MTBP: variants seen among roughly 807,000 people sequenced by gnomAD.
MTBP encodes the protein MDM2 binding protein.
Under a neutral mutation model 117.0 loss-of-function variants are expected in MTBP, and 101 were observed. The observed-to-expected ratio is 0.86, with a 90% CI of 0.73 to 1.02. The LOEUF (loss-of-function observed/expected upper bound fraction) is 1.02. MTBP is among the 50% of genes least tolerant of loss of function. The pLI, the probability that MTBP is intolerant of heterozygous loss-of-function variation, is 0.00. For synonymous variants in MTBP, 350 were observed against 351.5 expected (o/e 1.00, Z 0.05); for missense variants, 970 against 1,030.9 (o/e 0.94, Z 0.81).
chr8:120,470,909 T>C lies in MTBP; in HGVS notation c.1137T>C (p.Tyr379=), dbSNP rs1164915144. 13 of 1,607,580 alleles carry C rather than the reference T, an allele frequency of 8.1e-6. No homozygotes were observed. Among genetic ancestry groups the C allele is most frequent in the East Asian group, 2.2e-5 (1 of 44,748 alleles). ...NQLSSRKWKE[Y]IAKKPKTISV... is the part of the protein sequence containing the mutation. ...TCAGTTCAAGAAAATGGAAGGAATA[T>C]ATAGCTAAAAAGCCTAAAACAATCA... Residue 379 remains tyrosine, a synonymous_variant, in exon 11 of 22, where the codon TAT becomes TAC. Coordinates refer to ENST00000305949, the MANE Select transcript of MTBP (RefSeq NM_022045.5).
chr8:120,497,332 A>G (rs561082009), intron 13 of MTBP, 61 bp from the exon 14 acceptor site: 2 of 1,390,556 alleles, frequency 1.4e-6, no homozygotes, highest in African/African-American at 3.0e-5. Context: ...TTTCCACAAA[A>G]GACTAGTAGA....
chr8:120,518,580 G>C, intron 19 of MTBP, 124 bp from the exon 20 acceptor site: 1 of 572,060 alleles, frequency 1.7e-6, no homozygotes. Context: ...TTGTCTTAAT[G>C]AACCTGTCTG....
chr8:120,500,658 A>G (rs1814564471), intron 14 of MTBP, among the ~76,000 whole-genome samples: 1 of 152,264 alleles, frequency 6.6e-6, no homozygotes, highest in Non-Finnish European at 1.5e-5. Context: ...AGTTCAATAT[A>G]GGTATTGAAA....
At chr8:120,480,325 G>A (rs1176759453) in intron 11 of MTBP, among the ~76,000 whole-genome samples, 3 of 151,878 alleles carry the variant, frequency 2.0e-5, no homozygotes, top group Non-Finnish European at 4.4e-5. Flanking sequence ...CAGGAGAATC[G>A]TTTGAACCTG....
At chr8:120,448,399 C>T (rs1287537667) in intron 2 of MTBP, among the ~76,000 whole-genome samples, 1 of 152,170 alleles carries the variant, frequency 6.6e-6, no homozygotes, top group Non-Finnish European at 1.5e-5. Context: ...TCAGTGTTAG[C>T]ACTTTTTGTT....
intron 2 of MTBP, among the ~76,000 whole-genome samples, chr8:120,447,968 TC>T (rs1400897758): frequency 5.3e-5 from 8 of 151,978 alleles, no homozygotes; most frequent in African/African-American, 1.7e-4. Context: ...ACTTTGTTGC[TC>T]AGGCTGGAGT....
intron 13 of MTBP, among the ~76,000 whole-genome samples, chr8:120,495,091 G>A (rs1554640597): frequency 1.3e-5 from 2 of 151,600 alleles, no homozygotes; most frequent in Non-Finnish European, 2.9e-5. Flanking sequence ...CTTTTTCTTG[G>A]ATTATGCCTT....
At chr8:120,513,489 A>G (rs913825285) in intron 17 of MTBP, among the ~76,000 whole-genome samples, 1 of 151,990 alleles carries the variant, frequency 6.6e-6, no homozygotes. Context: ...TCTAATTTAC[A>G]AAGTAAATTT....
intron 17 of MTBP, among the ~76,000 whole-genome samples, chr8:120,514,182 C>G (rs866984183): frequency 7.9e-5 from 12 of 151,854 alleles, no homozygotes; most frequent in Non-Finnish European, 1.3e-4. Context: ...ACTAACATAA[C>G]CATCATCTCA....
intron 8 of MTBP, among the ~76,000 whole-genome samples, chr8:120,460,379 C>T (rs1288479996): frequency 6.6e-6 from 1 of 152,104 alleles, no homozygotes; most frequent in Non-Finnish European, 1.5e-5. Context: ...TAGACACACA[C>T]ACTGTATAAA....
intron 6 of MTBP, 62 bp downstream of exon 6, chr8:120,455,641 T>C: frequency 6.7e-7 from 1 of 1,481,674 alleles, no homozygotes; most frequent in Non-Finnish European, 9.2e-7. Context: ...ATTAACATAC[T>C]ATTCTCTTTT....
At chr8:120,468,831 T>A (rs901995964) in intron 10 of MTBP, among the ~76,000 whole-genome samples, 2 of 152,162 alleles carry the variant, frequency 1.3e-5, no homozygotes, top group Non-Finnish European at 1.5e-5. Flanking sequence ...ACCTTTTTTT[T>A]AGTGCAAGTT....
At chr8:120,456,805 A>G in intron 7 of MTBP, 135 bp downstream of exon 7, 1 of 640,178 alleles carries the variant, frequency 1.6e-6, no homozygotes, top group Non-Finnish European at 2.7e-6. Flanking sequence ...TTCTGCAATA[A>G]TTAAATGTTC....
At chr8:120,489,882 G>A (rs990284251) in intron 12 of MTBP, among the ~76,000 whole-genome samples, 5 of 152,144 alleles carry the variant, frequency 3.3e-5, no homozygotes, top group African/African-American at 1.2e-4. Context: ...ACGCTTTGAA[G>A]GACATCCTGC....
intron 10 of MTBP, among the ~76,000 whole-genome samples, chr8:120,469,177 C>A (rs1427825360): frequency 1.3e-5 from 2 of 152,106 alleles, no homozygotes; most frequent in Non-Finnish European, 2.9e-5. Context: ...TCCCAAGTAT[C>A]TGGGACTACA....
At chr8:120,461,807 G>C (rs960905513) in intron 9 of MTBP, among the ~76,000 whole-genome samples, 4 of 151,982 alleles carry the variant, frequency 2.6e-5, no homozygotes, top group Non-Finnish European at 5.9e-5. Flanking sequence ...CATGACTTCT[G>C]TGTTTTACTC....
intron 12 of MTBP, among the ~76,000 whole-genome samples, chr8:120,488,788 C>T (rs1316320751): frequency 2.0e-5 from 3 of 152,006 alleles, no homozygotes; most frequent in Admixed American, 6.6e-5. Context: ...CTCTCGTGGT[C>T]CTGTGGGTTG....
intron 17 of MTBP, among the ~76,000 whole-genome samples, chr8:120,515,073 C>A (rs1236962111): frequency 6.6e-6 from 1 of 151,966 alleles, no homozygotes; most frequent in East Asian, 1.9e-4. Flanking sequence ...TGAACTAAAT[C>A]TTTTGGATAC....
At position 120,509,987 on chromosome 8, in the gene MTBP, T is replaced by TA. The variant is rs1208570985; in HGVS notation, c.1938dup (p.Pro647ThrfsTer3). 6.2e-7 allele frequency: 1 copy of TA among 1,612,790 alleles called. No homozygotes were observed. The highest frequency in any genetic ancestry group is 1.7e-5 in the Admixed American group (1 of 59,984). On this transcript the variant is annotated frameshift_variant, in exon 17 of 22. Coordinates refer to ENST00000305949, the MANE Select transcript of MTBP (RefSeq NM_022045.5). LOFTEE classifies it high-confidence loss of function. Reference sequence around the variant, plus strand: ...CTTAGTCCTGGGAAACTTCAGGTCTTACCTTTTGAGAAAGCCTCAGTATGT... The same window carrying TA: ...CTTAGTCCTGGGAAACTTCAGGTCTTAACCTTTTGAGAAAGCCTCAGTATGT...
Sources: allele counts gnomAD v4.1 joint callset (sites outside exome capture counted in the v4.1 genomes callset), GRCh38; gene constraint gnomAD v4.1.1; transcripts MANE v1.5; gene names NCBI Gene and HGNC (gene_info 2026-07-23, HGNC 2026-07-21).